COL25A1: variants seen among roughly 807,000 people sequenced by gnomAD.
COL25A1 encodes the protein collagen type XXV alpha 1 chain, also known as collagen alpha-1(XXV) chain.
COL25A1 carries 103 observed loss-of-function variants against 128.4 expected under a neutral mutation model. The ratio of observed to expected loss-of-function variants is 0.80; its 90% CI spans 0.68 to 0.94. The LOEUF (loss-of-function observed/expected upper bound fraction) is 0.94. Among genes scored for constraint, COL25A1 ranks in the 40% least tolerant of loss-of-function variants. COL25A1 has a pLI of 0.00. For synonymous variants in COL25A1, 279 were observed against 277.2 expected, an observed-to-expected ratio of 1.01 and a Z score of -0.06; for missense variants, 745 against 840.0, an observed-to-expected ratio of 0.89 and a Z score of 1.40.
At chr4:108,943,947 C>T (rs1560907969) in intron 8 of COL25A1, among the ~76,000 whole-genome samples, 1 of 152,006 alleles carries the variant, frequency 6.6e-6, no homozygotes, top group Non-Finnish European at 1.5e-5. Context: ...TTTAGGAAAG[C>T]CCAGGAAATT....
In COL25A1 at chr4:109,301,960, C is replaced by T; in HGVS notation, c.60G>A (p.Pro20=). The change falls in exon 2 of 38, where the codon CCG becomes CCA. Residue 20 remains proline (P), a synonymous_variant. Transcript: ENST00000399132. The part of the protein sequence containing the change: ...GGGREPRSED[P]TPAEQHCART... ...GGGCACAATGCTGTTCGGCAGGGGT[C>T]GGGTCCTCGGATCTGGGCTCCCGGC... The T allele has an allele frequency of 6.2e-7, 1 of 1,612,028 alleles. No individual in the cohort carries two copies. Among genetic ancestry groups the T allele is most frequent in the Middle Eastern group, 1.7e-4 (1 of 6,042 alleles).
intron 32 of COL25A1, among the ~76,000 whole-genome samples, chr4:108,832,078 T>C (rs1430390608): frequency 4.6e-5 from 7 of 152,306 alleles, no homozygotes; most frequent in Non-Finnish European, 2.9e-5. Flanking sequence ...ACTTCGACTT[T>C]CTGGATAAAG....
chr4:109,273,567 C>T (rs990260314), intron 3 of COL25A1, among the ~76,000 whole-genome samples: 3 of 152,146 alleles, frequency 2.0e-5, no homozygotes, highest in Non-Finnish European at 4.4e-5. Flanking sequence ...ATGATTATTA[C>T]TTCTGAATAG....
At chr4:108,936,423 T>A (rs1189543510) in intron 11 of COL25A1, among the ~76,000 whole-genome samples, 1 of 152,002 alleles carries the variant, frequency 6.6e-6, no homozygotes, top group Non-Finnish European at 1.5e-5. Flanking sequence ...AAAAATTAGC[T>A]GGGCCTGGTG....
At chr4:108,873,757 A>T (rs1369277368) in intron 19 of COL25A1, among the ~76,000 whole-genome samples, 1 of 152,204 alleles carries the variant, frequency 6.6e-6, no homozygotes, top group Non-Finnish European at 1.5e-5. Context: ...GACAATATCC[A>T]TCTGCCAGAG....
At chr4:109,144,024 G>C (rs149019205) in intron 3 of COL25A1, among the ~76,000 whole-genome samples, 7 of 152,122 alleles carry the variant, frequency 4.6e-5, no homozygotes, top group African/African-American at 1.4e-4. Context: ...CCTCATCTTC[G>C]TGGATTTATC....
intron 33 of COL25A1, 29 bp downstream of exon 33, chr4:108,827,106 T>G: frequency 6.2e-7 from 1 of 1,607,794 alleles, no homozygotes; most frequent in Non-Finnish European, 8.5e-7. Context: ...ATGCGGAAGG[T>G]GGGGAGGTGC....
intron 3 of COL25A1, among the ~76,000 whole-genome samples, chr4:109,236,000 T>C (rs1016163638): frequency 1.3e-5 from 2 of 152,130 alleles, no homozygotes; most frequent in Admixed American, 1.3e-4. Flanking sequence ...CTGAATATAC[T>C]GTAGGTGCTT....
At chr4:108,916,794 C>T (rs1744926915) in intron 13 of COL25A1, among the ~76,000 whole-genome samples, 1 of 152,074 alleles carries the variant, frequency 6.6e-6, no homozygotes, top group Non-Finnish European at 1.5e-5. Flanking sequence ...AATGGATATG[C>T]ATTTTACTAA....
intron 5 of COL25A1, among the ~76,000 whole-genome samples, chr4:109,016,204 T>G (rs559298971): frequency 6.6e-6 from 1 of 152,346 alleles, no homozygotes; most frequent in African/African-American, 2.4e-5. Context: ...AGCAAAGTTG[T>G]GGCCGAGCCC....
At chr4:109,105,927 G>T (rs1199772066) in intron 3 of COL25A1, among the ~76,000 whole-genome samples, 1 of 151,346 alleles carries the variant, frequency 6.6e-6, no homozygotes, top group African/African-American at 2.4e-5. Context: ...TAAAGTTTCT[G>T]TCAAAACTAC....
rs951960652 is a variant in COL25A1, at chr4:109,097,114, CCT to C, written c.368-46937_368-46936del. ...TGCTGGCTCAAGTAGACTGAAATCC[CCT>C]GTTTGCAGGAAAAACTGGCCTGTTT... On this transcript the variant is annotated intron_variant, in intron 3 of 37. Coordinates refer to ENST00000399132, the MANE Select transcript of COL25A1 (RefSeq NM_198721.4). 6.6e-5 allele frequency among the ~76,000 whole-genome samples: 10 copies of C among 152,232 alleles called. No individual in the cohort carries two copies. In the East Asian group the frequency reaches 1.5e-3, roughly 24 times the overall value.
At chr4:109,123,929 T>C (rs1366719625) in intron 3 of COL25A1, among the ~76,000 whole-genome samples, 1 of 152,036 alleles carries the variant, frequency 6.6e-6, no homozygotes, top group African/African-American at 2.4e-5. Context: ...TTTATACAAG[T>C]TGAGAAACAG....
intron 5 of COL25A1, among the ~76,000 whole-genome samples, chr4:109,041,444 C>T (rs1470252036): frequency 6.6e-6 from 1 of 151,626 alleles, no homozygotes; most frequent in Non-Finnish European, 1.5e-5. Flanking sequence ...AATGACTGTT[C>T]TTCTCTAAAA....
intron 3 of COL25A1, among the ~76,000 whole-genome samples, chr4:109,288,972 C>T (rs924059743): frequency 8.3e-5 from 12 of 144,714 alleles, no homozygotes; most frequent in South Asian, 5.5e-4. Flanking sequence ...TACACACACA[C>T]ACACACACAC....
At chr4:109,059,942 C>A (rs529730156) in intron 3 of COL25A1, among the ~76,000 whole-genome samples, 1 of 152,104 alleles carries the variant, frequency 6.6e-6, no homozygotes, top group East Asian at 1.9e-4. Context: ...CAAAACAAAA[C>A]AAATGGCAGA....
In COL25A1 at chr4:108,974,964, A is replaced by C. The variant is rs542846671; in HGVS notation, c.439-405T>G. Among the ~76,000 whole-genome samples, 54 of 152,326 alleles carry C rather than the reference A, an allele frequency of 3.5e-4. No homozygotes were observed. The South Asian group carries it at 6.0e-3, about 17-fold the overall frequency. ...TATAGATTAGCTTGTCTGTTTTTGT[A>C]CTTCATGTACATAAAATCATAGAGT... On this transcript the variant is annotated intron_variant, in intron 6 of 37. Transcript: ENST00000399132.
At chr4:109,186,285 A>G (rs2126153388) in intron 3 of COL25A1, among the ~76,000 whole-genome samples, 1 of 152,324 alleles carries the variant, frequency 6.6e-6, no homozygotes, top group East Asian at 1.9e-4. Context: ...TATCTGCATG[A>G]AAACAAAACT....
chr4:109,113,616 T>C (rs966557894), intron 3 of COL25A1, among the ~76,000 whole-genome samples: 21 of 135,842 alleles, frequency 1.5e-4, no homozygotes, highest in Middle Eastern at 3.5e-3. Context: ...TAGCTGTTTA[T>C]GGTAAATTGG....
Sources: gnomAD v4.1 joint callset for allele counts (sites outside exome capture counted in the v4.1 genomes callset) on GRCh38, gnomAD v4.1.1 for gene constraint, MANE v1.5 for transcripts, NCBI Gene and HGNC (gene_info 2026-07-23, HGNC 2026-07-21) for gene names.